The following DOCK1 variants were observed in gnomAD, a reference collection of about 807,000 sequenced individuals.
The protein encoded by DOCK1 is dedicator of cytokinesis 1.
DOCK1 carries 138 observed loss-of-function variants against 262.7 expected under a neutral mutation model. That is an observed-to-expected ratio of 0.53 (90% CI 0.46 to 0.61). DOCK1 has a LOEUF of 0.61. DOCK1 is among the 20% of genes least tolerant of loss of function. DOCK1 has a pLI of 0.00. For synonymous variants in DOCK1, 866 were observed against 867.4 expected (o/e 1.00, Z 0.03); for missense variants, 1,908 against 2,370.7 (o/e 0.80, Z 4.05).
intron 27 of DOCK1, among the ~76,000 whole-genome samples, chr10:127,218,860 G>A (rs753257879): frequency 9.8e-5 from 15 of 152,286 alleles, no homozygotes; most frequent in Admixed American, 2.0e-4. Context: ...AAGTTTGGTC[G>A]TCTGGTGAGG....
chr10:127,401,218 G>A (rs1002823479), intron 38 of DOCK1, among the ~76,000 whole-genome samples: 3 of 152,074 alleles, frequency 2.0e-5, no homozygotes, highest in Non-Finnish European at 4.4e-5. Context: ...AGGAACCTTT[G>A]GGGAGATTGA....
At chr10:127,287,885 C>G (rs1050527902) in intron 29 of DOCK1, among the ~76,000 whole-genome samples, 1 of 152,082 alleles carries the variant, frequency 6.6e-6, no homozygotes, top group African/African-American at 2.4e-5. Context: ...ATTGACTAGA[C>G]CCATTATTCC....
chr10:127,447,606 C>T (rs962467840), intron 51 of DOCK1, 61 bp downstream of exon 51: 1 of 1,582,440 alleles, frequency 6.3e-7, no homozygotes, highest in Admixed American at 1.8e-5. Context: ...TAGGACGAGT[C>T]CCTCATTCCA....
intron 18 of DOCK1, 150 bp downstream of exon 18, chr10:127,032,470 TGCATAGAAGGTGGC>T: frequency 1.2e-6 from 1 of 801,294 alleles, no homozygotes; most frequent in Non-Finnish European, 1.9e-6. Context: ...GATTTATCAA[TGCATAGAAGGTGGC>T]ATTTGTTCAT....
At chr10:127,314,453 C>T (rs372061169) in intron 29 of DOCK1, among the ~76,000 whole-genome samples, 1 of 152,152 alleles carries the variant, frequency 6.6e-6, no homozygotes, top group South Asian at 2.1e-4. Context: ...GGGGAGAAGC[C>T]GGGACAGCTT....
rs1277155387 is a variant in DOCK1, at chr10:127,395,474, C to T, written c.3928-7581C>T. 2.0e-5 allele frequency among the ~76,000 whole-genome samples: 3 copies of T among 152,178 alleles called. No homozygotes were observed. In the East Asian group the frequency reaches 5.8e-4, roughly 29 times the overall value. Reference sequence around the variant, plus strand: ...AACACCTTGAAGGTGAGGATTTCAACCCGTGAATTTGAGGGAGACACAAAT... The same window carrying T: ...AACACCTTGAAGGTGAGGATTTCAATCCGTGAATTTGAGGGAGACACAAAT... On this transcript the variant is annotated intron_variant, in intron 38 of 51. Transcript: ENST00000623213.
rs150906881 is a variant in DOCK1 at position 127,036,553 on chromosome 10, G to A, written c.1913-1166G>A. On this transcript the variant is annotated intron_variant, in intron 18 of 51. Transcript: ENST00000623213. Reference sequence around the variant, plus strand: ...GCTGAAGTTGGTTCATGAGCATAACGGTAAATTAGATGTACTTTGTTAATG... The same window carrying A: ...GCTGAAGTTGGTTCATGAGCATAACAGTAAATTAGATGTACTTTGTTAATG... Among the ~76,000 whole-genome samples, 63 of 152,000 alleles carry A rather than the reference G, an allele frequency of 4.1e-4. No homozygotes were observed. The East Asian group carries it at 0.01, about 25-fold the overall frequency.
chr10:126,925,617 C>T (rs1226388488), intron 1 of DOCK1, among the ~76,000 whole-genome samples: 4 of 152,106 alleles, frequency 2.6e-5, no homozygotes, highest in South Asian at 2.1e-4. Flanking sequence ...CTCTTGATCT[C>T]GTGATCCGCC....
At chr10:127,001,576 A>G (rs977027144) in intron 10 of DOCK1, 1 of 152,204 alleles carries the variant, frequency 6.6e-6, no homozygotes, top group Non-Finnish European at 1.5e-5. Context: ...CTCACTGGGT[A>G]GCTTCACCAT....
intron 27 of DOCK1, among the ~76,000 whole-genome samples, chr10:127,155,752 A>G (rs1303176787): frequency 6.6e-6 from 1 of 152,112 alleles, no homozygotes. Context: ...CTTGCCCTAT[A>G]TAGACTTACA....
At chr10:127,113,498 G>T (rs2048990911) in intron 25 of DOCK1, among the ~76,000 whole-genome samples, 1 of 152,172 alleles carries the variant, frequency 6.6e-6, no homozygotes, top group Non-Finnish European at 1.5e-5. Context: ...AGATCTGTTT[G>T]CAAGAGGCTG....
At chr10:127,323,949 C>G (rs1409583154) in intron 29 of DOCK1, among the ~76,000 whole-genome samples, 1 of 152,244 alleles carries the variant, frequency 6.6e-6, no homozygotes, top group East Asian at 1.9e-4. Context: ...AGGCCCTGCA[C>G]TGCTTCATCC....
At chr10:126,955,330 T>C (rs1156954647) in intron 1 of DOCK1, among the ~76,000 whole-genome samples, 1 of 152,246 alleles carries the variant, frequency 6.6e-6, no homozygotes, top group Non-Finnish European at 1.5e-5. Flanking sequence ...TTCACTATGT[T>C]GGCCAGGCTG....
At chr10:127,368,371 TC>T (rs2065037386) in intron 33 of DOCK1, among the ~76,000 whole-genome samples, 1 of 152,122 alleles carries the variant, frequency 6.6e-6, no homozygotes, top group Non-Finnish European at 1.5e-5. Flanking sequence ...TCCTAAATCA[TC>T]CTCCCCTGCT....
rs112206811 is a variant in DOCK1 at position 127,339,695 on chromosome 10, TTGTGTGTGTGTG to T, written c.3123+640_3123+651del. 1.3e-3 allele frequency among the ~76,000 whole-genome samples: 141 copies of T among 109,858 alleles called. 1 individual carries two copies. In the South Asian group the frequency reaches 0.021, roughly 16 times the overall value. The allele number at this position is 109,858 out of a possible 152,430, so 72.1% of individuals were successfully genotyped here. ...AAGGATTGATTTTGCCTGGCCTGAT[TTGTGTGTGTGTG>T]TGTGTGTGTGTGTGTGTGTGTGTGT... On this transcript the variant is annotated intron_variant, in intron 30 of 51. Transcript: ENST00000623213.
intron 46 of DOCK1, among the ~76,000 whole-genome samples, chr10:127,425,492 G>A (rs1034060466): frequency 2.6e-5 from 4 of 152,150 alleles, no homozygotes; most frequent in African/African-American, 7.2e-5. Context: ...TAGGGTTCTC[G>A]TAAAGGCAAT....
intron 3 of DOCK1, among the ~76,000 whole-genome samples, chr10:126,979,657 C>T (rs2038806449): frequency 6.6e-6 from 1 of 152,192 alleles, no homozygotes; most frequent in Non-Finnish European, 1.5e-5. Flanking sequence ...GACATCATAA[C>T]TCATTCATAA....
intron 4 of DOCK1, among the ~76,000 whole-genome samples, chr10:126,983,666 C>G (rs1295127358): frequency 6.6e-6 from 1 of 152,148 alleles, no homozygotes; most frequent in African/African-American, 2.4e-5. Flanking sequence ...CTTTCTCTTG[C>G]AAGGCTCTCT....
At chr10:127,185,951 A>G in intron 27 of DOCK1, among the ~76,000 whole-genome samples, 1 of 152,244 alleles carries the variant, frequency 6.6e-6, no homozygotes, top group Non-Finnish European at 1.5e-5. Context: ...GTTTGTTCTT[A>G]TATTACTCAA....
Sources: allele counts gnomAD v4.1 joint callset (sites outside exome capture counted in the v4.1 genomes callset), GRCh38; gene constraint gnomAD v4.1.1; transcripts MANE v1.5; gene names NCBI Gene and HGNC (gene_info 2026-07-23, HGNC 2026-07-21).